Variants in EMID1 observed in about 807,000 individuals in gnomAD.
EMID1 encodes EMI domain-containing protein 1.
In EMID1, 40 loss-of-function variants were observed where a neutral mutation model predicts 60.6. The ratio of observed to expected loss-of-function variants is 0.66; its 90% CI spans 0.51 to 0.86. EMID1 has a LOEUF of 0.86. Among genes scored for constraint, EMID1 ranks in the 40% least tolerant of loss-of-function variants. The probability of loss-of-function intolerance (pLI) is 0.00; values close to 1 mark genes in which losing one functional copy is unlikely to be tolerated. For synonymous variants in EMID1, 242 were observed against 231.0 expected (o/e 1.05, Z -0.43); for missense variants, 585 against 597.1 (o/e 0.98, Z 0.21).
At chr22:29,233,751 C>A in intron 10 of EMID1, 85 bp downstream of exon 10, 3 of 1,273,450 alleles carry the variant, frequency 2.4e-6, no homozygotes, top group Non-Finnish European at 2.2e-6. Flanking sequence ...CCATCATCCA[C>A]CCTTGTATCC....
chr22:29,255,467 A>G (rs1028965671), intron 14 of EMID1: 3 of 843,900 alleles, frequency 3.6e-6, no homozygotes, highest in Non-Finnish European at 3.4e-6. Context: ...GCCAGCGGAC[A>G]CTCATTCTTC....
Position 29,232,346 on chromosome 22 carries a change from G to A in EMID1, c.767G>A (p.Gly256Asp), listed in dbSNP as rs2040781518. ...RGPPGPPGPP[G>D]PPGPPAPVGP... Reference sequence around the variant, plus strand: ...CCTCCTGGGCCACCAGGGCCTCCTGGCCCCCCTGGGCCCCCAGCCCCTGTT... The same window carrying A: ...CCTCCTGGGCCACCAGGGCCTCCTGACCCCCCTGGGCCCCCAGCCCCTGTT... Residue 256 changes from glycine to aspartate, a missense_variant, in exon 8 of 15, where the codon GGC becomes GAC. Gly to Asp is a moderately conservative substitution (Grantham distance 94, BLOSUM62 -1). Transcript: ENST00000334018. 3 of 1,605,726 alleles carry A rather than the reference G, an allele frequency of 1.9e-6. No individual in the cohort carries two copies. The highest frequency in any genetic ancestry group is 2.1e-4 in the Middle Eastern group (1 of 4,860).
At position 29,259,104 on chromosome 22, in the gene EMID1, T is replaced by G; in HGVS notation, c.*160T>G. On this transcript the variant is annotated 3_prime_UTR_variant, in exon 15 of 15. Coordinates refer to ENST00000334018, the MANE Select transcript of EMID1 (RefSeq NM_133455.4). ...TAAGCAGGTCTCAGTCCTGGCACCATGCACATGTCTGAGGCTGAGCAAGGG... is the reference window on the plus strand; with the variant it reads ...TAAGCAGGTCTCAGTCCTGGCACCAGGCACATGTCTGAGGCTGAGCAAGGG... The G allele has an allele frequency of 1.8e-6, 2 of 1,128,316 alleles. No homozygotes were observed. The highest frequency in any genetic ancestry group is 3.0e-4 in the Middle Eastern group (1 of 3,382). The allele number at this position is 1,128,316 out of a possible 1,614,324, so 69.9% of individuals were successfully genotyped here.
At chr22:29,236,946 A>AC (rs1453791949) in intron 12 of EMID1, among the ~76,000 whole-genome samples, 1 of 150,432 alleles carries the variant, frequency 6.6e-6, no homozygotes, top group Non-Finnish European at 1.5e-5. Flanking sequence ...ACAGGCGCCC[A>AC]CCACCATACC....
chr22:29,255,875 C>G (rs944724188), intron 14 of EMID1, among the ~76,000 whole-genome samples: 1 of 152,106 alleles, frequency 6.6e-6, no homozygotes, highest in Non-Finnish European at 1.5e-5. Context: ...CAGAAGGAGC[C>G]TAGAAGCAAC....
At chr22:29,249,717 C>T (rs1053704468) in intron 13 of EMID1, among the ~76,000 whole-genome samples, 12 of 151,910 alleles carry the variant, frequency 7.9e-5, no homozygotes, top group South Asian at 2.1e-4. Context: ...TGGGTTTAAG[C>T]GATTCTTCTG....
intron 13 of EMID1, among the ~76,000 whole-genome samples, chr22:29,252,918 G>C (rs1043241571): frequency 3.9e-5 from 6 of 152,212 alleles, no homozygotes; most frequent in African/African-American, 1.4e-4. Flanking sequence ...CCTGGGGAAG[G>C]GACAGAGTGC....
chr22:29,227,872 G>A (rs529919795), intron 5 of EMID1, among the ~76,000 whole-genome samples: 34 of 151,736 alleles, frequency 2.2e-4, no homozygotes, highest in Non-Finnish European at 2.6e-4. Flanking sequence ...AAAATTAGCC[G>A]GGGCCGAGTG....
At chr22:29,208,571 G>A (rs1009286625) in intron 1 of EMID1, among the ~76,000 whole-genome samples, 2 of 152,214 alleles carry the variant, frequency 1.3e-5, no homozygotes, top group Admixed American at 6.5e-5. Context: ...CTAGGATCAG[G>A]GAGAATGGAG....
chr22:29,236,856 G>C (rs1028397597), intron 12 of EMID1, among the ~76,000 whole-genome samples: 2 of 150,690 alleles, frequency 1.3e-5, no homozygotes, highest in Non-Finnish European at 3.0e-5. Context: ...GAGTCTAGTG[G>C]CTGGATCTCG....
Position 29,232,757 on chromosome 22 carries a change from G to A in EMID1, c.823+355G>A, listed in dbSNP as rs188394093. On this transcript the variant is annotated intron_variant, in intron 8 of 14. Coordinates refer to ENST00000334018, the MANE Select transcript of EMID1 (RefSeq NM_133455.4). ...ACACTGGGACGCAAAAGACCCGGCGGCAGGAAGTGAGTCCTGAACTCCCAA... is the reference window on the plus strand; with the variant it reads ...ACACTGGGACGCAAAAGACCCGGCGACAGGAAGTGAGTCCTGAACTCCCAA... The A allele has an allele frequency of 3.3e-4, 72 of 218,380 alleles. No individual in the cohort carries two copies. In the East Asian group the frequency reaches 7.2e-3, roughly 22 times the overall value. 13.5% of individuals were successfully genotyped at this position (218,380 alleles called of 1,614,324 possible). A position where few individuals can be genotyped will look rare whatever the true frequency, so the allele number is the denominator to read the frequency against.
In EMID1 at chr22:29,250,846, A is replaced by G. The variant is rs528454669; in HGVS notation, c.1120-3357A>G. Among the ~76,000 whole-genome samples the G allele has an allele frequency of 4.1e-3, 579 of 140,804 alleles. 4 individuals are homozygous for G. Among genetic ancestry groups the G allele is most frequent in the Non-Finnish European group, 6.6e-3 (441 of 66,574 alleles). 92.4% of individuals were successfully genotyped at this position (140,804 alleles called of 152,430 possible). On this transcript the variant is annotated intron_variant, in intron 13 of 14. Transcript: ENST00000334018. Reference sequence around the variant, plus strand: ...CTGACCTCAGGTGATCCATCCGCTTAGGCCTCCCAAAGTGCTGGGATTACA... The same window carrying G: ...CTGACCTCAGGTGATCCATCCGCTTGGGCCTCCCAAAGTGCTGGGATTACA...
At chr22:29,256,882 C>G (rs971270317) in intron 14 of EMID1, among the ~76,000 whole-genome samples, 1 of 152,146 alleles carries the variant, frequency 6.6e-6, no homozygotes, top group Non-Finnish European at 1.5e-5. Context: ...GCTTCCAAAG[C>G]TCCTCCCACA....
At chr22:29,245,113 T>G (rs1391631344) in intron 13 of EMID1, among the ~76,000 whole-genome samples, 1 of 152,106 alleles carries the variant, frequency 6.6e-6, no homozygotes, top group Non-Finnish European at 1.5e-5. Context: ...TGACTTCTGG[T>G]GCCCTGCTAC....
At chr22:29,248,947 C>T (rs2041425386) in intron 13 of EMID1, among the ~76,000 whole-genome samples, 1 of 152,188 alleles carries the variant, frequency 6.6e-6, no homozygotes, top group South Asian at 2.1e-4. Context: ...CCATCGTAGA[C>T]TGAAACATCA....
At chr22:29,217,951 A>AG (rs1179980503) in intron 3 of EMID1, among the ~76,000 whole-genome samples, 3 of 152,212 alleles carry the variant, frequency 2.0e-5, no homozygotes, top group Non-Finnish European at 4.4e-5. Context: ...AACAGGACCC[A>AG]GGGCAGCCTG....
chr22:29,258,907 G>T lies in EMID1; in HGVS notation c.1295G>T (p.Arg432Leu). Reference sequence around the variant, plus strand: ...AGGGGCGGACATGCAACCAACTACCGGATCGTGGCCCCCAGGAGCCGGGAC... The same window carrying T: ...AGGGGCGGACATGCAACCAACTACCTGATCGTGGCCCCCAGGAGCCGGGAC... ...GKRGGHATNY[R>L]IVAPRSRDER... is the part of the protein sequence containing the mutation. The change falls in exon 15 of 15, where the codon CGG (arginine) becomes CTG (leucine). Residue 432 changes from arginine to leucine, a missense_variant. Arg to Leu is a moderately radical substitution (Grantham distance 102). Coordinates refer to ENST00000334018, the MANE Select transcript of EMID1 (RefSeq NM_133455.4). The T allele has an allele frequency of 1.9e-6, 3 of 1,613,374 alleles. No homozygotes were observed. The highest frequency in any genetic ancestry group is 2.5e-6 in the Non-Finnish European group (3 of 1,179,738).
chr22:29,240,204 G>A (rs1422433485), intron 12 of EMID1, among the ~76,000 whole-genome samples: 1 of 152,132 alleles, frequency 6.6e-6, no homozygotes. Context: ...TTGTTTGGGG[G>A]TTGTTTTGCC....
At chr22:29,254,327 T>A in intron 14 of EMID1, 40 bp downstream of exon 14, 1 of 1,592,632 alleles carries the variant, frequency 6.3e-7, no homozygotes, top group Non-Finnish European at 8.6e-7. Context: ...GCCCAGCCCC[T>A]GCCTGCCAGC....
Sources: allele counts gnomAD v4.1 joint callset (sites outside exome capture counted in the v4.1 genomes callset), GRCh38; gene constraint gnomAD v4.1.1; transcripts MANE v1.5; gene names NCBI Gene and HGNC (gene_info 2026-07-23, HGNC 2026-07-21).